DHX34: variants seen among roughly 807,000 people sequenced by gnomAD.
DHX34 encodes probable ATP-dependent RNA helicase DHX34.
DHX34 carries 96 observed loss-of-function variants against 111.1 expected under a neutral mutation model. That is an observed-to-expected ratio of 0.86 (90% CI 0.73 to 1.02). The LOEUF (loss-of-function observed/expected upper bound fraction) is 1.02. Among genes scored for constraint, DHX34 ranks in the 50% least tolerant of loss-of-function variants. The probability of loss-of-function intolerance (pLI) is 0.00; values close to 1 mark genes in which losing one functional copy is unlikely to be tolerated. For synonymous variants in DHX34, 688 were observed against 670.4 expected (o/e 1.03, Z -0.41); for missense variants, 1,560 against 1,579.9 (o/e 0.99, Z 0.21).
At chr19:47,370,524 G>A (rs764885946) in intron 7 of DHX34, among the ~76,000 whole-genome samples, 1 of 152,138 alleles carries the variant, frequency 6.6e-6, no homozygotes, top group East Asian at 1.9e-4. Flanking sequence ...GCAGCCTGAG[G>A]CCCACCATGG....
In DHX34 at chr19:47,373,663, G is replaced by A. The variant is rs999068622; in HGVS notation, c.2027G>A (p.Arg676Gln). The part of the protein sequence containing the change: ...WCRRRGIEEH[R>Q]LYEMANLRRQ... Reference sequence around the variant, plus strand: ...CGCCGCCGGGGCATAGAGGAGCATCGACTGTACGAAATGGCCAACCTTCGG... The same window carrying A: ...CGCCGCCGGGGCATAGAGGAGCATCAACTGTACGAAATGGCCAACCTTCGG... Residue 676 changes from arginine to glutamine, a missense_variant, in exon 9 of 17, where the codon CGA (arginine) becomes CAA (glutamine). Physicochemically the swap from Arg to Gln is conservative, Grantham distance 43. Coordinates refer to ENST00000328771, the MANE Select transcript of DHX34 (RefSeq NM_014681.6). 5.6e-6 allele frequency: 9 copies of A among 1,613,882 alleles called. No homozygotes were observed. The highest frequency in any genetic ancestry group is 2.2e-5 in the South Asian group (2 of 91,080).
chr19:47,355,783 C>T (rs183233741), intron 3 of DHX34, among the ~76,000 whole-genome samples: 28 of 151,516 alleles, frequency 1.8e-4, no homozygotes, highest in Admixed American at 9.9e-4. Flanking sequence ...ACCTGGGAGG[C>T]GGAGCTTGCA....
chr19:47,355,577 C>T (rs974562894), intron 3 of DHX34, among the ~76,000 whole-genome samples: 2 of 152,018 alleles, frequency 1.3e-5, no homozygotes, highest in Non-Finnish European at 2.9e-5. Flanking sequence ...GGCTGGGCGC[C>T]GTGGCTCATG....
At chr19:47,359,303 C>T (rs939074624) in intron 4 of DHX34, among the ~76,000 whole-genome samples, 5 of 151,976 alleles carry the variant, frequency 3.3e-5, no homozygotes, top group Admixed American at 2.6e-4. Context: ...CTCTACAAAA[C>T]GGAAGAAAAC....
At chr19:47,360,663 A>T (rs1405579966) in intron 5 of DHX34, among the ~76,000 whole-genome samples, 3 of 150,230 alleles carry the variant, frequency 2.0e-5, no homozygotes, top group Non-Finnish European at 2.9e-5. Flanking sequence ...GGGGATTGAC[A>T]TTCTGTTTGT....
At position 47,352,978 on chromosome 19, in the gene DHX34, A is replaced by G. The variant is rs1423753335; in HGVS notation, c.-53A>G. On this transcript the variant is annotated 5_prime_UTR_variant, in exon 2 of 17. Coordinates refer to ENST00000328771, the MANE Select transcript of DHX34 (RefSeq NM_014681.6). The stretch of plus-strand genomic sequence containing the variant: ...AATTGTTGCAGGTGGGGAATGGATG[A>G]GAATATTTGTTTTGGGTGATCAGAA... 7.1e-6 allele frequency: 11 copies of G among 1,553,204 alleles called. No homozygotes were observed. The highest frequency in any genetic ancestry group is 4.1e-5 in the African/African-American group (3 of 72,920).
At chr19:47,380,145 C>T (rs1970308861) in intron 14 of DHX34, among the ~76,000 whole-genome samples, 160 bp downstream of exon 14, 1 of 152,222 alleles carries the variant, frequency 6.6e-6, no homozygotes, top group African/African-American at 2.4e-5. Flanking sequence ...GGTCACTCCA[C>T]TGGTCTGGGT....
chr19:47,376,939 A>G (rs780324652), intron 12 of DHX34, 161 bp from the exon 13 acceptor site: 1 of 1,538,612 alleles, frequency 6.5e-7, no homozygotes, highest in Admixed American at 2.0e-5. Flanking sequence ...TGGGAGTCAC[A>G]TTCAGATTTG....
chr19:47,353,837 T>C lies in DHX34; in HGVS notation c.705+102T>C. ...TCAATAAAAATGAAGCACTTACCCT[T>C]GGACCCAGCGATGATTCTTCTAGAA... On this transcript the variant is annotated intron_variant, in intron 2 of 16. Coordinates refer to ENST00000328771, the MANE Select transcript of DHX34 (RefSeq NM_014681.6). This position sits in a 1 kb window ranked among gnomAD's most constrained non-coding sequence, Gnocchi z 4.6. The C allele has an allele frequency of 8.9e-7, 1 of 1,127,764 alleles. No individual in the cohort carries two copies. The highest frequency in any genetic ancestry group is 1.2e-6 in the Non-Finnish European group (1 of 820,194). 69.9% of individuals were successfully genotyped at this position (1,127,764 alleles called of 1,614,324 possible). A position where few individuals can be genotyped will look rare whatever the true frequency, so the allele number is the denominator to read the frequency against.
At position 47,371,621 on chromosome 19, in the gene DHX34, C is replaced by T. The variant is rs562764076; in HGVS notation, c.1769-1109C>T. On this transcript the variant is annotated intron_variant, in intron 7 of 16. Transcript: ENST00000328771. ...TTTTTTGTTTGTTTGGTTTTTGAGA[C>T]GAAGTCTTGCTCTGTTCACTCAGGC... Among the ~76,000 whole-genome samples the T allele has an allele frequency of 9.2e-5, 14 of 152,246 alleles. No individual in the cohort carries two copies. The South Asian group carries it at 2.3e-3, about 25-fold the overall frequency.
At chr19:47,379,571 A>AGCGGGTAGATG (rs1970283163) in intron 13 of DHX34, 139 bp from the exon 14 acceptor site, 4 of 1,472,458 alleles carry the variant, frequency 2.7e-6, no homozygotes, top group Non-Finnish European at 9.0e-7. Context: ...TGCCTGGTAC[A>AGCGGGTAGATG]GCGGGTAGAT....
intron 8 of DHX34, among the ~76,000 whole-genome samples, chr19:47,373,301 G>A (rs559223596): frequency 6.6e-6 from 1 of 152,326 alleles, no homozygotes; most frequent in South Asian, 2.1e-4. Context: ...CCCTGGCCCT[G>A]CCCTCCCGGG....
At chr19:47,379,115 T>A (rs1970263690) in intron 13 of DHX34, among the ~76,000 whole-genome samples, 1 of 151,564 alleles carries the variant, frequency 6.6e-6, no homozygotes, top group Non-Finnish European at 1.5e-5. Flanking sequence ...GGCAACAGAG[T>A]GAGACTCATC....
intron 5 of DHX34, among the ~76,000 whole-genome samples, chr19:47,361,231 G>T (rs1199744414): frequency 6.6e-6 from 1 of 151,940 alleles, no homozygotes; most frequent in Admixed American, 6.6e-5. Flanking sequence ...GCCAAGGCAG[G>T]CAGGTCACTT....
chr19:47,362,925 C>T (rs147077522), intron 6 of DHX34, among the ~76,000 whole-genome samples: 6,800 of 152,102 alleles, frequency 0.045, 500 homozygotes, highest in African/African-American at 0.15. Context: ...CACACACCAC[C>T]ACGCTTGGCT....
intron 14 of DHX34, 59 bp downstream of exon 14, chr19:47,380,044 G>T: frequency 3.3e-6 from 5 of 1,512,126 alleles, no homozygotes; most frequent in Non-Finnish European, 4.4e-6. Flanking sequence ...CCGTCACTGG[G>T]CTTGAGCCTC....
intron 16 of DHX34, chr19:47,381,579 GTC>G (rs1970361079): frequency 5.0e-6 from 3 of 600,974 alleles, no homozygotes; most frequent in Non-Finnish European, 8.6e-6. Context: ...CTCTGTTTCT[GTC>G]TCTCTGTGGC....
intron 9 of DHX34, 43 bp from the exon 10 acceptor site, chr19:47,375,423 T>C (rs908020349): frequency 6.5e-7 from 1 of 1,530,210 alleles, no homozygotes; most frequent in South Asian, 1.3e-5. Flanking sequence ...CAGAGCCCAC[T>C]GAGTCTGCCC....
At chr19:47,376,976 ACCAAAGCCATG>A (rs748568785) in intron 12 of DHX34, 113 bp from the exon 13 acceptor site, 35 of 1,554,610 alleles carry the variant, frequency 2.3e-5, no homozygotes, top group Admixed American at 3.9e-5. Context: ...GAGCCAGGCC[ACCAAAGCCATG>A]CCGTAAGCAT....
Sources: allele counts gnomAD v4.1 joint callset (sites outside exome capture counted in the v4.1 genomes callset), GRCh38; gene constraint gnomAD v4.1.1; non-coding constraint Gnocchi (gnomAD v3.1); transcripts MANE v1.5; gene names NCBI Gene and HGNC (gene_info 2026-07-23, HGNC 2026-07-21).